Variants in DISC1 observed in about 807,000 individuals in gnomAD.
DISC1 encodes the protein disrupted in schizophrenia 1 protein.
In DISC1, 57 loss-of-function variants were observed where a neutral mutation model predicts 84.5. The observed-to-expected ratio is 0.67, with a 90% CI of 0.55 to 0.84. The LOEUF is 0.84. DISC1 is among the 40% of genes least tolerant of loss of function. The pLI, the probability that DISC1 is intolerant of heterozygous loss-of-function variation, is 0.00. For missense variants in DISC1, 1,000 were observed against 1,057.8 expected, an observed-to-expected ratio of 0.95 and a Z score of 0.76; for synonymous variants, 411 against 415.2, an observed-to-expected ratio of 0.99 and a Z score of 0.12.
intron 4 of DISC1, among the ~76,000 whole-genome samples, chr1:231,755,181 C>G (rs1250339048): frequency 2.0e-5 from 3 of 151,790 alleles, no homozygotes; most frequent in Non-Finnish European, 2.9e-5. Flanking sequence ...TTCTTAATGT[C>G]TTATGAGCTC....
At chr1:231,881,462 CT>C (rs1196827556) in intron 9 of DISC1, among the ~76,000 whole-genome samples, 1 of 152,066 alleles carries the variant, frequency 6.6e-6, no homozygotes, top group Non-Finnish European at 1.5e-5. Flanking sequence ...CAAATTTCTC[CT>C]TTTTATTAGA....
chr1:231,960,768 A>G (rs1572361362), intron 10 of DISC1, among the ~76,000 whole-genome samples: 2 of 152,282 alleles, frequency 1.3e-5, no homozygotes, highest in East Asian at 3.9e-4. Context: ...CTACCTGGAG[A>G]CAGCATCAGA....
chr1:231,632,546 T>C (rs939041253), intron 1 of DISC1, among the ~76,000 whole-genome samples: 2 of 152,240 alleles, frequency 1.3e-5, no homozygotes, highest in African/African-American at 2.4e-5. Context: ...CAGTATTGAA[T>C]GTTGTAAGTG....
Position 232,008,938 on chromosome 1 carries a change from T to C in DISC1, c.2196T>C (p.Ile732=). The C allele has an allele frequency of 6.2e-7, 1 of 1,613,394 alleles. No homozygotes were observed. The highest frequency in any genetic ancestry group is 1.3e-5 in the African/African-American group (1 of 74,930). ...MDDLEGAAPP[I]PPRLHSEDKR... ...ACTTAGAGGGAGCTGCTCCTCCTAT[T>C]CCCCCCAGGCTCCACTCCGAGGATA... The change falls in exon 11 of 13, where the codon ATT becomes ATC. Residue 732 remains isoleucine, a synonymous_variant. Transcript: ENST00000439617.
chr1:231,918,872 T>A (rs1224730248), intron 9 of DISC1, among the ~76,000 whole-genome samples: 1 of 152,202 alleles, frequency 6.6e-6, no homozygotes, highest in Non-Finnish European at 1.5e-5. Flanking sequence ...GAAACCACAG[T>A]TGCAAATATT....
At chr1:231,942,091 A>G (rs939304543) in intron 9 of DISC1, among the ~76,000 whole-genome samples, 9 of 151,940 alleles carry the variant, frequency 5.9e-5, no homozygotes, top group African/African-American at 2.2e-4. Flanking sequence ...GGAAAGAGGG[A>G]AAAAACAAGC....
At chr1:231,690,365 T>G (rs1039704773) in intron 1 of DISC1, among the ~76,000 whole-genome samples, 1 of 152,128 alleles carries the variant, frequency 6.6e-6, no homozygotes, top group Admixed American at 6.5e-5. Context: ...CTGGACTAGA[T>G]GGGTGGAACG....
intron 9 of DISC1, among the ~76,000 whole-genome samples, chr1:231,946,457 T>A (rs1476558317): frequency 6.6e-6 from 1 of 152,218 alleles, no homozygotes; most frequent in African/African-American, 2.4e-5. Context: ...CGATGGAATG[T>A]ATCTCAAAAT....
intron 9 of DISC1, among the ~76,000 whole-genome samples, chr1:231,912,887 A>G (rs1572014788): frequency 9.6e-6 from 1 of 104,416 alleles, no homozygotes; most frequent in African/African-American, 3.8e-5. Flanking sequence ...CCTTCCTTCC[A>G]CCCCCGTTTC....
chr1:231,803,027 G>A (rs901676718), intron 8 of DISC1, among the ~76,000 whole-genome samples: 4 of 152,046 alleles, frequency 2.6e-5, no homozygotes, highest in African/African-American at 7.2e-5. Flanking sequence ...TAAAAAATAA[G>A]TCACTTTAAG....
chr1:231,816,983 C>G (rs1277541573), intron 8 of DISC1, among the ~76,000 whole-genome samples: 1 of 151,866 alleles, frequency 6.6e-6, no homozygotes, highest in Admixed American at 6.6e-5. Flanking sequence ...CCCTCTCCTT[C>G]TTTGAGGTGG....
chr1:231,842,920 A>T (rs370402586), intron 9 of DISC1, among the ~76,000 whole-genome samples: 1 of 152,140 alleles, frequency 6.6e-6, no homozygotes, highest in Non-Finnish European at 1.5e-5. Context: ...GTGCCATTAG[A>T]TTCATGGTAA....
intron 9 of DISC1, among the ~76,000 whole-genome samples, chr1:231,825,181 C>CTTG (rs1426861848): frequency 6.6e-6 from 1 of 152,146 alleles, no homozygotes; most frequent in African/African-American, 2.4e-5. Flanking sequence ...TCTTTTTTCA[C>CTTG]TTGTCTCTCT....
intron 8 of DISC1, among the ~76,000 whole-genome samples, chr1:231,811,608 G>A (rs2080303655): frequency 6.6e-6 from 1 of 152,236 alleles, no homozygotes; most frequent in Non-Finnish European, 1.5e-5. Flanking sequence ...AAACTGAAAT[G>A]TCCATGAGTT....
intron 7 of DISC1, among the ~76,000 whole-genome samples, 156 bp downstream of exon 7, chr1:231,795,452 G>A (rs1162822737): frequency 1.3e-5 from 2 of 152,208 alleles, no homozygotes; most frequent in African/African-American, 4.8e-5. Flanking sequence ...AAAAGAGCCA[G>A]GAGAGAGTGC....
Position 232,005,017 on chromosome 1 carries a change from TCTCCCTCCCTCACTCCCTCCCTCCA to T in DISC1, c.2043-3767_2043-3743del, listed in dbSNP as rs1558828231. ...TCTTCTTTCCTTCCTTCCTTCCCTC[TCTCCCTCCCTCACTCCCTCCCTCCA>T]TCCTTCCTTCCTTCCTTCCCTCTCT... is the stretch of plus-strand genomic sequence containing the variant. On this transcript the variant is annotated intron_variant, in intron 10 of 12. Coordinates refer to ENST00000439617, the MANE Select transcript of DISC1 (RefSeq NM_018662.3). Among the ~76,000 whole-genome samples the T allele has an allele frequency of 4.6e-4, 25 of 54,300 alleles. 1 individual carries two copies. The highest frequency in any genetic ancestry group is 0.013 in the Middle Eastern group (1 of 76). 35.6% of individuals were successfully genotyped at this position (54,300 alleles called of 152,430 possible). A position where few individuals can be genotyped will look rare whatever the true frequency, so the allele number is the denominator to read the frequency against.
intron 1 of DISC1, among the ~76,000 whole-genome samples, chr1:231,667,066 T>G (rs2062091900): frequency 6.6e-6 from 1 of 152,230 alleles, no homozygotes; most frequent in Non-Finnish European, 1.5e-5. Context: ...TTGCACAGCC[T>G]GGCCCTTCAG....
chr1:231,912,833 TTC>T (rs1231132005), intron 9 of DISC1, among the ~76,000 whole-genome samples: 2 of 151,576 alleles, frequency 1.3e-5, no homozygotes, highest in African/African-American at 4.9e-5. Context: ...CCTTCCTTTC[TTC>T]TTCTTTTTCT....
rs1158670554 is a variant in DISC1 at position 232,040,559 on chromosome 1, T to C, written c.*3728T>C. On this transcript the variant is annotated 3_prime_UTR_variant, in exon 13 of 13. Coordinates refer to ENST00000439617, the MANE Select transcript of DISC1 (RefSeq NM_018662.3). Reference sequence around the variant, plus strand: ...TTTCTAAGGCACAGAGCTGGTAAAATGTGAAGTAATAGTGAACCTAACAGT... The same window carrying C: ...TTTCTAAGGCACAGAGCTGGTAAAACGTGAAGTAATAGTGAACCTAACAGT... 1 of 152,096 alleles carries C rather than the reference T, an allele frequency of 6.6e-6. No individual in the cohort carries two copies. The highest frequency in any genetic ancestry group is 2.4e-5 in the African/African-American group (1 of 41,402). The allele number at this position is 152,096 out of a possible 1,614,324, so 9.4% of individuals were successfully genotyped here. A position where few individuals can be genotyped will look rare whatever the true frequency, so the allele number is the denominator to read the frequency against.
Sources: allele counts gnomAD v4.1 joint callset (sites outside exome capture counted in the v4.1 genomes callset), GRCh38; gene constraint gnomAD v4.1.1; transcripts MANE v1.5; gene names NCBI Gene and HGNC (gene_info 2026-07-23, HGNC 2026-07-21).